The following TM9SF3 variants were observed in gnomAD, a reference collection of about 807,000 sequenced individuals.
TM9SF3 encodes transmembrane 9 superfamily member 3.
Under a neutral mutation model 78.6 loss-of-function variants are expected in TM9SF3, and 14 were observed. The observed-to-expected ratio is 0.18, with a 90% CI of 0.12 to 0.28. The LOEUF (loss-of-function observed/expected upper bound fraction) is 0.28. TM9SF3 is among the 10% of genes least tolerant of loss of function. The pLI is 1.00. For missense variants in TM9SF3, 496 were observed against 721.9 expected, an observed-to-expected ratio of 0.69 and a Z score of 3.59; for synonymous variants, 231 against 241.7, an observed-to-expected ratio of 0.96 and a Z score of 0.41.
chr10:96,563,697 G>T (rs1337265013), intron 3 of TM9SF3, among the ~76,000 whole-genome samples: 1 of 152,118 alleles, frequency 6.6e-6, no homozygotes, highest in African/African-American at 2.4e-5. Flanking sequence ...TTTCATTAAG[G>T]TTTATTTACC....
intron 2 of TM9SF3, among the ~76,000 whole-genome samples, chr10:96,570,187 T>C (rs1848424198): frequency 6.6e-6 from 1 of 152,234 alleles, no homozygotes; most frequent in South Asian, 2.1e-4. Context: ...TGTGTTAGAA[T>C]GTGCTTAAAA....
chr10:96,532,649 C>T (rs1847911558), intron 10 of TM9SF3, among the ~76,000 whole-genome samples: 1 of 152,114 alleles, frequency 6.6e-6, no homozygotes, highest in African/African-American at 2.4e-5. Flanking sequence ...TACTGATCTG[C>T]CAGCTCTGAT....
chr10:96,560,909 T>C (rs1848299727), intron 4 of TM9SF3: 1 of 521,128 alleles, frequency 1.9e-6, no homozygotes, highest in Non-Finnish European at 3.7e-6. Context: ...CAAGCAAGTA[T>C]ACAAAAAGTG....
At chr10:96,569,150 G>A (rs1848411049) in intron 2 of TM9SF3, among the ~76,000 whole-genome samples, 1 of 152,158 alleles carries the variant, frequency 6.6e-6, no homozygotes, top group Non-Finnish European at 1.5e-5. Context: ...CAGCCTGGGT[G>A]ACAGTAAGAC....
chr10:96,552,321 T>C (rs1399024074), intron 6 of TM9SF3, among the ~76,000 whole-genome samples: 1 of 152,016 alleles, frequency 6.6e-6, no homozygotes, highest in Non-Finnish European at 1.5e-5. Context: ...TGGGGGCTTG[T>C]TCCTGTATTC....
intron 5 of TM9SF3, among the ~76,000 whole-genome samples, chr10:96,553,525 A>G (rs1033384274): frequency 6.6e-6 from 1 of 152,200 alleles, no homozygotes; most frequent in Non-Finnish European, 1.5e-5. Context: ...GATACTCAGT[A>G]AATGTTAGTT....
intron 6 of TM9SF3, among the ~76,000 whole-genome samples, chr10:96,551,873 A>T (rs1169601474): frequency 1.3e-5 from 2 of 152,214 alleles, no homozygotes; most frequent in African/African-American, 4.8e-5. Flanking sequence ...CTAAGAAAAC[A>T]TATGGGGGAA....
rs1848641760 is a variant in TM9SF3 at position 96,586,931 on chromosome 10, C to T, written c.-96G>A. On this transcript the variant is annotated 5_prime_UTR_variant, in exon 1 of 15. Transcript: ENST00000371142. ...CGCCTCCGCCGCGGCCGATTCGCAT[C>T]CACGGGGCGCGGACAGACGCACGGG... The T allele has an allele frequency of 4.9e-6, 5 of 1,015,164 alleles. No individual in the cohort carries two copies. The highest frequency in any genetic ancestry group is 4.7e-5 in the South Asian group (1 of 21,214). 62.9% of individuals were successfully genotyped at this position (1,015,164 alleles called of 1,614,324 possible). A position where few individuals can be genotyped will look rare whatever the true frequency, so the allele number is the denominator to read the frequency against.
intron 4 of TM9SF3, chr10:96,560,522 A>C (rs1244575759): frequency 1.4e-6 from 1 of 720,598 alleles, no homozygotes; most frequent in East Asian, 2.8e-5. Context: ...ATATTAGTGG[A>C]CAGCATTTAG....
chr10:96,584,436 T>A (rs1465181689), intron 1 of TM9SF3, among the ~76,000 whole-genome samples: 2 of 152,244 alleles, frequency 1.3e-5, no homozygotes, highest in African/African-American at 2.4e-5. Flanking sequence ...AAAAATAATA[T>A]AAATGACATT....
chr10:96,537,871 C>T (rs1176236868), intron 9 of TM9SF3, among the ~76,000 whole-genome samples: 1 of 152,054 alleles, frequency 6.6e-6, no homozygotes, highest in Non-Finnish European at 1.5e-5. Flanking sequence ...ATCTATGAAA[C>T]GTTGCTGAGA....
chr10:96,523,673 C>G (rs1847806704), intron 14 of TM9SF3, among the ~76,000 whole-genome samples: 1 of 151,866 alleles, frequency 6.6e-6, no homozygotes. Context: ...ATCAAGCCTA[C>G]AGATCTAACT....
At chr10:96,560,682 G>A (rs1848296328) in intron 4 of TM9SF3, 3 of 602,012 alleles carry the variant, frequency 5.0e-6, no homozygotes, top group South Asian at 4.2e-5. Context: ...TGATGATGAT[G>A]ATGACGATTT....
chr10:96,519,444 T>A lies in TM9SF3; in HGVS notation c.*2819A>T, dbSNP rs1423602755. 6.6e-6 allele frequency: 1 copy of A among 151,942 alleles called. No homozygotes were observed. Among genetic ancestry groups the A allele is most frequent in the Non-Finnish European group, 1.5e-5 (1 of 67,830 alleles). 9.4% of individuals were successfully genotyped at this position (151,942 alleles called of 1,614,324 possible). ...TGATGAAAAATACTAAAAGAATGCT[T>A]CACCATCCCTCAGGCCATTACATTT... is the stretch of plus-strand genomic sequence containing the variant. On this transcript the variant is annotated 3_prime_UTR_variant, in exon 15 of 15. Coordinates refer to ENST00000371142, the MANE Select transcript of TM9SF3 (RefSeq NM_020123.4).
chr10:96,575,556 C>T (rs540827018), intron 2 of TM9SF3, among the ~76,000 whole-genome samples: 7 of 152,036 alleles, frequency 4.6e-5, no homozygotes, highest in African/African-American at 1.2e-4. Flanking sequence ...TTTAACAAAT[C>T]GAAATTAAAG....
At chr10:96,536,109 C>T (rs1847955519) in intron 9 of TM9SF3, among the ~76,000 whole-genome samples, 1 of 151,568 alleles carries the variant, frequency 6.6e-6, no homozygotes, top group Non-Finnish European at 1.5e-5. Context: ...AACACCCATT[C>T]AAAATTAAAA....
intron 2 of TM9SF3, among the ~76,000 whole-genome samples, chr10:96,567,745 C>T (rs1230933455): frequency 6.6e-6 from 1 of 152,220 alleles, no homozygotes; most frequent in Non-Finnish European, 1.5e-5. Flanking sequence ...TTGTCCATAA[C>T]TGATTATATC....
At chr10:96,572,944 T>C (rs1319089666) in intron 2 of TM9SF3, among the ~76,000 whole-genome samples, 1 of 152,228 alleles carries the variant, frequency 6.6e-6, no homozygotes. Flanking sequence ...CATTAGTTCC[T>C]TTAAATAGTC....
intron 9 of TM9SF3, among the ~76,000 whole-genome samples, chr10:96,533,756 A>G (rs1186846958): frequency 3.3e-5 from 5 of 152,166 alleles, no homozygotes; most frequent in Non-Finnish European, 2.9e-5. Context: ...ATCCTAATAG[A>G]AGGAGATCGC....
Sources: allele counts gnomAD v4.1 joint callset (sites outside exome capture counted in the v4.1 genomes callset), GRCh38; gene constraint gnomAD v4.1.1; transcripts MANE v1.5; gene names NCBI Gene and HGNC (gene_info 2026-07-23, HGNC 2026-07-21).